The following LURAP1 variants were observed in gnomAD, a reference collection of about 807,000 sequenced individuals.
LURAP1 encodes the protein leucine rich adaptor protein 1.
A neutral mutation model predicts 19.0 loss-of-function variants in LURAP1; 14 were observed. The observed-to-expected ratio is 0.74, with a 90% CI of 0.49 to 1.15. The LOEUF is 1.15. Ranked by LOEUF, LURAP1 falls within the 50% of genes most tolerant of loss-of-function variation. The pLI, the probability that LURAP1 is intolerant of heterozygous loss-of-function variation, is 0.00. For synonymous variants in LURAP1, 129 were observed against 131.8 expected (o/e 0.98, Z 0.14); for missense variants, 273 against 309.1 (o/e 0.88, Z 0.87).
intron 1 of LURAP1, among the ~76,000 whole-genome samples, chr1:46,212,599 C>CA (rs1183855166): frequency 6.6e-6 from 1 of 151,038 alleles, no homozygotes; most frequent in African/African-American, 2.4e-5. Context: ...TTTTTTGAAT[C>CA]AGAGTCTCGC....
At chr1:46,211,627 G>C (rs531700236) in intron 1 of LURAP1, among the ~76,000 whole-genome samples, 2 of 152,210 alleles carry the variant, frequency 1.3e-5, no homozygotes, top group South Asian at 4.1e-4. Context: ...CAAACCTTTA[G>C]ATAGTACCTC....
chr1:46,204,597 CT>C (rs1457690886), intron 1 of LURAP1, among the ~76,000 whole-genome samples: 2 of 152,180 alleles, frequency 1.3e-5, no homozygotes, highest in Non-Finnish European at 2.9e-5. Context: ...ATCATGGGGG[CT>C]CTGAGACCAG....
chr1:46,210,713 C>G (rs1323056145), intron 1 of LURAP1, among the ~76,000 whole-genome samples: 1 of 152,168 alleles, frequency 6.6e-6, no homozygotes, highest in Non-Finnish European at 1.5e-5. Flanking sequence ...TCTGTGCTCT[C>G]CCTGGGTGCA....
At chr1:46,207,403 A>C (rs1373427638) in intron 1 of LURAP1, among the ~76,000 whole-genome samples, 1 of 150,132 alleles carries the variant, frequency 6.7e-6, no homozygotes, top group African/African-American at 2.5e-5. Context: ...CTTAACCTTA[A>C]ATTTTCAGCT....
rs1659215025 is a variant in LURAP1 at position 46,220,846 on chromosome 1, G to T, written c.*626G>T. On this transcript the variant is annotated 3_prime_UTR_variant, in exon 2 of 2. Coordinates refer to ENST00000371980, the MANE Select transcript of LURAP1 (RefSeq NM_001013615.3). Reference sequence around the variant, plus strand: ...TTTAAGGAATTTAGGACTCCCTGGAGTTAACAGATGAAGAGATGGGGGCAT... The same window carrying T: ...TTTAAGGAATTTAGGACTCCCTGGATTTAACAGATGAAGAGATGGGGGCAT... The T allele has an allele frequency of 6.6e-6, 1 of 152,242 alleles. No homozygotes were observed. Among genetic ancestry groups the T allele is most frequent in the African/African-American group, 2.4e-5 (1 of 41,450 alleles). 9.4% of individuals were successfully genotyped at this position (152,242 alleles called of 1,614,324 possible).
At chr1:46,211,891 A>T (rs1658908358) in intron 1 of LURAP1, among the ~76,000 whole-genome samples, 2 of 152,094 alleles carry the variant, frequency 1.3e-5, no homozygotes, top group Non-Finnish European at 2.9e-5. Flanking sequence ...CCTCCTGAGT[A>T]GCTGGGCTTA....
chr1:46,219,987 G>A lies in LURAP1; in HGVS notation c.487G>A (p.Gly163Arg). The change falls in exon 2 of 2, where the codon GGG (glycine) becomes AGG (arginine). Residue 163 changes from glycine (G) to arginine (R), a missense_variant. By Grantham distance (125) the Gly-to-Arg change is moderately radical. Transcript: ENST00000371980. ...PSELDEQGPP[G>R]APRSEMDWAK... ...CGAGCTGGATGAACAGGGCCCACCT[G>A]GGGCTCCACGTTCCGAGATGGACTG... 1 of 1,614,250 alleles carries A rather than the reference G, an allele frequency of 6.2e-7. No individual in the cohort carries two copies. The highest frequency in any genetic ancestry group is 8.5e-7 in the Non-Finnish European group (1 of 1,180,044).
At chr1:46,204,976 G>C (rs1658665028) in intron 1 of LURAP1, among the ~76,000 whole-genome samples, 1 of 152,210 alleles carries the variant, frequency 6.6e-6, no homozygotes, top group African/African-American at 2.4e-5. Context: ...CTGAGGCACA[G>C]GGTGGGCATG....
chr1:46,213,419 G>A (rs77289453), intron 1 of LURAP1, among the ~76,000 whole-genome samples: 5,480 of 148,498 alleles, frequency 0.037, 157 homozygotes, highest in African/African-American at 0.07. Flanking sequence ...ATATTTGCAC[G>A]GCAGTAAAAC....
intron 1 of LURAP1, among the ~76,000 whole-genome samples, chr1:46,210,380 C>T (rs1468133973): frequency 6.6e-6 from 1 of 152,088 alleles, no homozygotes; most frequent in African/African-American, 2.4e-5. Flanking sequence ...GCAATCAGTT[C>T]TGCAGCAGAT....
intron 1 of LURAP1, among the ~76,000 whole-genome samples, chr1:46,216,458 C>T (rs532558368): frequency 9.8e-5 from 15 of 152,290 alleles, no homozygotes; most frequent in Non-Finnish European, 2.1e-4. Context: ...CCTCTCACCT[C>T]AGCCTCCCGA....
Position 46,212,517 on chromosome 1 carries a change from G to A in LURAP1, c.199-7182G>A, listed in dbSNP as rs111673543. On this transcript the variant is annotated intron_variant, in intron 1 of 1. Transcript: ENST00000371980. ...AGGATGGTCTTGATCTCCTGACCTC[G>A]TGATCCGCCCGCCTTGGCCTCCCAA... is the stretch of plus-strand genomic sequence containing the variant. Among the ~76,000 whole-genome samples, 1,255 of 150,758 alleles carry A rather than the reference G, an allele frequency of 8.3e-3. 19 individuals are homozygous for A. The highest frequency in any genetic ancestry group is 0.039 in the Middle Eastern group (11 of 282).
intron 1 of LURAP1, 63 bp from the exon 2 acceptor site, chr1:46,219,636 G>A: frequency 6.7e-7 from 1 of 1,500,614 alleles, no homozygotes; most frequent in Non-Finnish European, 8.9e-7. Context: ...GTAGTGGCCT[G>A]TGGAAACGCT....
At position 46,220,113 on chromosome 1, in the gene LURAP1, A is replaced by G. The variant is rs139062618; in HGVS notation, c.613A>G (p.Arg205Gly). ...LRAVWKPPGE[R>G]LQGGPPESPE... ...AGCTGTGTGGAAGCCCCCAGGGGAG[A>G]GGCTTCAAGGTGGACCACCTGAGTC... Residue 205 changes from arginine to glycine, a missense_variant, in exon 2 of 2, where the codon AGG becomes GGG. Physicochemically the swap from Arg to Gly is moderately radical, Grantham distance 125. Coordinates refer to ENST00000371980, the MANE Select transcript of LURAP1 (RefSeq NM_001013615.3). 6.8e-6 allele frequency: 11 copies of G among 1,614,052 alleles called. No homozygotes were observed. The African/African-American group carries it at 9.3e-5, about 14-fold the overall frequency.
rs1471744115 is a variant in LURAP1, at chr1:46,220,030, G to T, written c.530G>T (p.Gly177Val). The change falls in exon 2 of 2, where the codon GGT becomes GTT. Residue 177 changes from glycine (G) to valine (V), a missense_variant. Transcript: ENST00000371980. ...ATGGACTGGGCAAAAGTTATAGCTG[G>T]TGGAGAGAGGGCCAGGACTGAGGTG... Reference protein sequence around the residue: ...SEMDWAKVIAGGERARTEVDV... With the variant: ...SEMDWAKVIAVGERARTEVDV... 1 of 1,614,138 alleles carries T rather than the reference G, an allele frequency of 6.2e-7. No homozygotes were observed. Among genetic ancestry groups the T allele is most frequent in the Non-Finnish European group, 8.5e-7 (1 of 1,180,058 alleles).
intron 1 of LURAP1, among the ~76,000 whole-genome samples, chr1:46,212,583 A>ATT (rs983480552): frequency 7.0e-6 from 1 of 143,878 alleles, no homozygotes; most frequent in Non-Finnish European, 1.5e-5. Flanking sequence ...ACCCGGCCAA[A>ATT]TTTTTTTTTT....
chr1:46,203,520 C>T lies in LURAP1; in HGVS notation c.94C>T (p.Arg32Ter). ...KTPEGLLRGL[R>*]GECELGTSGA... The stretch of plus-strand genomic sequence containing the variant: ...CCCTGAAGGGCTGCTCCGCGGGCTG[C>T]GAGGCGAGTGTGAGCTGGGAACCTC... The change falls in exon 1 of 2, where the codon CGA becomes TGA. Residue 32 changes from arginine to a stop codon, truncating the protein, a stop_gained. Coordinates refer to ENST00000371980, the MANE Select transcript of LURAP1 (RefSeq NM_001013615.3). LOFTEE classifies it high-confidence loss of function. 6.4e-7 allele frequency: 1 copy of T among 1,560,332 alleles called. No homozygotes were observed. Among genetic ancestry groups the T allele is most frequent in the South Asian group, 1.2e-5 (1 of 84,130 alleles).
rs753914761 is a variant in LURAP1 at position 46,212,281 on chromosome 1, A to ATT, written c.199-7402_199-7401dup. Among the ~76,000 whole-genome samples the ATT allele has an allele frequency of 7.8e-3, 1,126 of 143,518 alleles. 20 individuals are homozygous for ATT. Among genetic ancestry groups the ATT allele is most frequent in the Middle Eastern group, 0.04 (11 of 276 alleles). The allele number at this position is 143,518 out of a possible 152,430, so 94.2% of individuals were successfully genotyped here. A position where few individuals can be genotyped will look rare whatever the true frequency, so the allele number is the denominator to read the frequency against. On this transcript the variant is annotated intron_variant, in intron 1 of 1. Transcript: ENST00000371980. ...ATGTATAACATAAACAACCATGTAA[A>ATT]TTTTTTTTTTTTTTTTTGAGACGGA...
intron 1 of LURAP1, among the ~76,000 whole-genome samples, chr1:46,215,044 G>A (rs1171145155): frequency 6.6e-6 from 1 of 151,880 alleles, no homozygotes; most frequent in Non-Finnish European, 1.5e-5. Flanking sequence ...GGCTAACATG[G>A]TGAAACCCTG....
Sources: allele counts gnomAD v4.1 joint callset (sites outside exome capture counted in the v4.1 genomes callset), GRCh38; gene constraint gnomAD v4.1.1; transcripts MANE v1.5; gene names NCBI Gene and HGNC (gene_info 2026-07-23, HGNC 2026-07-21).